Variants in KIF21A observed in about 807,000 individuals in gnomAD.
KIF21A encodes kinesin family member 21A.
KIF21A carries 114 observed loss-of-function variants against 202.9 expected under a neutral mutation model. That is an observed-to-expected ratio of 0.56 (90% confidence interval 0.48 to 0.66). The LOEUF (loss-of-function observed/expected upper bound fraction) is 0.66, where lower values mean the gene tolerates loss of function less well. Among genes scored for constraint, KIF21A ranks in the 30% least tolerant of loss-of-function variants. KIF21A has a pLI of 0.00. For missense variants in KIF21A, 1,677 were observed against 1,994.9 expected (o/e 0.84, Z 3.04); for synonymous variants, 667 against 670.8 (o/e 0.99, Z 0.09).
chr12:39,400,663 A>G (rs895205461), intron 1 of KIF21A, among the ~76,000 whole-genome samples: 1 of 152,218 alleles, frequency 6.6e-6, no homozygotes. Context: ...AAGAAAGGGA[A>G]GGGTCTTTAA....
intron 1 of KIF21A, among the ~76,000 whole-genome samples, chr12:39,392,410 T>A (rs1016776067): frequency 5.3e-5 from 8 of 152,082 alleles, no homozygotes; most frequent in African/African-American, 1.9e-4. Flanking sequence ...CAGGCTGCAG[T>A]GATGTGTGTG....
At chr12:39,340,569 T>C (rs1340849786) in intron 15 of KIF21A, among the ~76,000 whole-genome samples, 5 of 152,104 alleles carry the variant, frequency 3.3e-5, no homozygotes, top group Non-Finnish European at 5.9e-5. Flanking sequence ...TAATATGTTA[T>C]GTTAAAATGT....
At chr12:39,298,386 G>A (rs970063438) in intron 37 of KIF21A, among the ~76,000 whole-genome samples, 1 of 152,164 alleles carries the variant, frequency 6.6e-6, no homozygotes, top group African/African-American at 2.4e-5. Context: ...CAACTATAAG[G>A]TCAGACAGCA....
chr12:39,420,074 T>TAAAAAAAAAAAAAAAAAAAAAAAAAA (rs72435342), intron 1 of KIF21A, among the ~76,000 whole-genome samples: 1 of 83,130 alleles, frequency 1.2e-5, no homozygotes. Context: ...AGACAGAAAG[T>TAAAAAAAAAAAAAAAAAAAAAAAAAA]AAAAAAAAAA....
intron 1 of KIF21A, among the ~76,000 whole-genome samples, chr12:39,387,808 C>T (rs570125236): frequency 9.2e-5 from 14 of 152,158 alleles, no homozygotes; most frequent in African/African-American, 3.1e-4. Context: ...ATGGATGAAA[C>T]GTGGTGAGGG....
chr12:39,311,033 A>G (rs1437797848), intron 32 of KIF21A, among the ~76,000 whole-genome samples: 2 of 152,060 alleles, frequency 1.3e-5, no homozygotes, highest in Non-Finnish European at 2.9e-5. Context: ...TATACTGCCT[A>G]GCATAGCCCC....
chr12:39,295,842 C>A (rs1942278109), intron 37 of KIF21A, among the ~76,000 whole-genome samples: 1 of 150,766 alleles, frequency 6.6e-6, no homozygotes, highest in African/African-American at 2.4e-5. Flanking sequence ...GCTGGGAAAA[C>A]AAGCGCATGC....
chr12:39,307,248 C>A (rs1258927254), intron 34 of KIF21A, among the ~76,000 whole-genome samples: 1 of 152,008 alleles, frequency 6.6e-6, no homozygotes, highest in Non-Finnish European at 1.5e-5. Flanking sequence ...GCTGGTGAAA[C>A]TAGGATGAGA....
Position 39,356,874 on chromosome 12 carries a change from C to T in KIF21A, c.1427G>A (p.Ser476Asn). The change falls in exon 10 of 38, where the codon AGT becomes AAT. Residue 476 changes from serine (S) to asparagine (N), a missense_variant. By Grantham distance (46) the Ser-to-Asn change is conservative. Coordinates refer to ENST00000361418, the MANE Select transcript of KIF21A (RefSeq NM_001173464.2). ...TTTTATATAACTATGAATCATATTA[C>T]TAATCTCCTCATTTCCTTCACCTGA... ...ARAGEGNEEI[S>N]NMIHSYIKEI... 7.7e-7 allele frequency: 1 copy of T among 1,302,334 alleles called. No individual in the cohort carries two copies. The highest frequency in any genetic ancestry group is 1.2e-5 in the South Asian group (1 of 83,614). The allele number at this position is 1,302,334 out of a possible 1,614,324, so 80.7% of individuals were successfully genotyped here. A position where few individuals can be genotyped will look rare whatever the true frequency, so the allele number is the denominator to read the frequency against.
chr12:39,295,148 G>A (rs1258664015), intron 37 of KIF21A, among the ~76,000 whole-genome samples: 2 of 152,180 alleles, frequency 1.3e-5, no homozygotes, highest in Non-Finnish European at 1.5e-5. Flanking sequence ...ACTTAGCACA[G>A]AATGTAGAAG....
At chr12:39,346,761 A>G (rs902072970) in intron 11 of KIF21A, among the ~76,000 whole-genome samples, 24 of 152,122 alleles carry the variant, frequency 1.6e-4, no homozygotes, top group Admixed American at 8.5e-4. Context: ...TGCAGCAGCA[A>G]AATGTATAGT....
rs539825223 is a variant in KIF21A, at chr12:39,293,420, TCAA to T, written c.*1001_*1003del. 32 of 152,684 alleles carry T rather than the reference TCAA, an allele frequency of 2.1e-4. No homozygotes were observed. The highest frequency in any genetic ancestry group is 7.7e-4 in the African/African-American group (32 of 41,558). 9.5% of individuals were successfully genotyped at this position (152,684 alleles called of 1,614,324 possible). ...TTATACATCCTTTTGCAAAATCCAGTCAACAACTTTTAAAAATTCATACAGGCA... is the reference window on the plus strand; with the variant it reads ...TTATACATCCTTTTGCAAAATCCAGTCAACTTTTAAAAATTCATACAGGCA... On this transcript the variant is annotated 3_prime_UTR_variant, in exon 38 of 38. Coordinates refer to ENST00000361418, the MANE Select transcript of KIF21A (RefSeq NM_001173464.2).
rs2137379060 is a variant in KIF21A, at chr12:39,311,408, T to A, written c.4096+9A>T. ...CTATTAAATATCTGCATTAGATAAC[T>A]ACTAGCACCTTTTGATCCAGTGAAG... is the stretch of plus-strand genomic sequence containing the variant. On this transcript the variant is annotated intron_variant, in intron 32 of 37. Coordinates refer to ENST00000361418, the MANE Select transcript of KIF21A (RefSeq NM_001173464.2). 6.2e-7 allele frequency: 1 copy of A among 1,612,046 alleles called. No homozygotes were observed. Among genetic ancestry groups the A allele is most frequent in the Non-Finnish European group, 8.5e-7 (1 of 1,178,370 alleles).
intron 1 of KIF21A, among the ~76,000 whole-genome samples, chr12:39,425,427 A>G (rs909230111): frequency 6.6e-6 from 1 of 152,124 alleles, no homozygotes; most frequent in Admixed American, 6.5e-5. Flanking sequence ...TATATTTTTC[A>G]CCTCTGATGT....
rs74086528 is a variant in KIF21A at position 39,431,705 on chromosome 12, G to C, written c.44+11222C>G. Among the ~76,000 whole-genome samples, 588 of 152,208 alleles carry C rather than the reference G, an allele frequency of 3.9e-3. 3 individuals carry two copies. Among genetic ancestry groups the C allele is most frequent in the African/African-American group, 0.013 (558 of 41,530 alleles). On this transcript the variant is annotated intron_variant, in intron 1 of 37. Transcript: ENST00000361418. ...ACACACTTGTGAAAAATTATGATTAGGTTATATAAAGTTAATAAAAAATTT... is the reference window on the plus strand; with the variant it reads ...ACACACTTGTGAAAAATTATGATTACGTTATATAAAGTTAATAAAAAATTT...
chr12:39,403,295 T>C (rs1952319385), intron 1 of KIF21A, among the ~76,000 whole-genome samples: 1 of 152,206 alleles, frequency 6.6e-6, no homozygotes, highest in South Asian at 2.1e-4. Flanking sequence ...CTACAGTTTG[T>C]AAGACAAAGC....
rs538053121 is a variant in KIF21A at position 39,371,698 on chromosome 12, G to A, written c.45-1437C>T. Among the ~76,000 whole-genome samples the A allele has an allele frequency of 9.9e-5, 15 of 152,232 alleles. No individual in the cohort carries two copies. In the East Asian group the frequency reaches 2.1e-3, roughly 22 times the overall value. On this transcript the variant is annotated intron_variant, in intron 1 of 37. Coordinates refer to ENST00000361418, the MANE Select transcript of KIF21A (RefSeq NM_001173464.2). ...AACACGCCTGTAATCCCAGGACTTA[G>A]GGAGGCCAATAGCTTGAGGTCAGGA... is the stretch of plus-strand genomic sequence containing the variant.
At position 39,357,312 on chromosome 12, in the gene KIF21A, A is replaced by G. The variant is rs1234997855; in HGVS notation, c.1341T>C (p.Asp447=). ...GCTGTGTAATTCTGGACCTCAATGC[A>G]TCAACCGTCTCTTGCATGGCTTTAA... ...VRIKAMQETV[D]ALRSRITQLV... Residue 447 remains aspartate (D), a synonymous_variant, in exon 9 of 38, where the codon GAT becomes GAC. Coordinates refer to ENST00000361418, the MANE Select transcript of KIF21A (RefSeq NM_001173464.2). The G allele has an allele frequency of 4.3e-6, 7 of 1,614,062 alleles. No individual in the cohort carries two copies. Among genetic ancestry groups the G allele is most frequent in the Non-Finnish European group, 5.9e-6 (7 of 1,179,948 alleles).
intron 17 of KIF21A, among the ~76,000 whole-genome samples, chr12:39,336,171 C>T (rs1344888114): frequency 6.6e-6 from 1 of 152,060 alleles, no homozygotes; most frequent in Non-Finnish European, 1.5e-5. Flanking sequence ...CCTCCGGCCT[C>T]AGTCTCTCAA....
Sources: gnomAD v4.1 joint callset for allele counts (sites outside exome capture counted in the v4.1 genomes callset) on GRCh38, gnomAD v4.1.1 for gene constraint, MANE v1.5 for transcripts, NCBI Gene and HGNC (gene_info 2026-07-23, HGNC 2026-07-21) for gene names.